The following DDX18 variants were observed in gnomAD, a reference collection of about 807,000 sequenced individuals.
DDX18 encodes the protein DEAD-box helicase 18, also known as ATP-dependent RNA helicase DDX18.
A neutral mutation model predicts 73.5 loss-of-function variants in DDX18; 23 were observed. The ratio of observed to expected loss-of-function variants is 0.31; its 90% CI spans 0.23 to 0.44. The LOEUF (loss-of-function observed/expected upper bound fraction) is 0.44, where lower values mean the gene tolerates loss of function less well. DDX18 is among the 20% of genes least tolerant of loss of function. The probability of loss-of-function intolerance (pLI) is 1.00; values close to 1 mark genes in which losing one functional copy is unlikely to be tolerated. For missense variants in DDX18, 753 were observed against 792.9 expected, an observed-to-expected ratio of 0.95 and a Z score of 0.60; for synonymous variants, 268 against 282.7, an observed-to-expected ratio of 0.95 and a Z score of 0.52.
chr2:117,818,603 C>T (rs1410722965), intron 2 of DDX18, among the ~76,000 whole-genome samples: 1 of 152,108 alleles, frequency 6.6e-6, no homozygotes, highest in African/African-American at 2.4e-5. Flanking sequence ...TGAGTATGCC[C>T]CAGGAAGTGG....
At chr2:117,822,336 C>A in intron 7 of DDX18, 75 bp downstream of exon 7, 1 of 1,191,876 alleles carries the variant, frequency 8.4e-7, no homozygotes, top group Non-Finnish European at 1.2e-6. Context: ...TATAGAAAAA[C>A]TGTACTAATG....
intron 9 of DDX18, 21 bp from the exon 10 acceptor site, chr2:117,825,426 G>A: frequency 6.2e-7 from 1 of 1,604,808 alleles, no homozygotes; most frequent in Non-Finnish European, 8.5e-7. Flanking sequence ...AGCTCTAATG[G>A]ATGTTTTTAT....
In DDX18 at chr2:117,825,433, T is replaced by G. The variant is rs973550325; in HGVS notation, c.1369-14T>G. 3 of 1,606,066 alleles carry G rather than the reference T, an allele frequency of 1.9e-6. No individual in the cohort carries two copies. The African/African-American group carries it at 4.0e-5, about 21-fold the overall frequency. On this transcript the variant is annotated splice_polypyrimidine_tract_variant and intron_variant, in intron 9 of 13. Transcript: ENST00000263239. ...AAGATTCCAGCTCTAATGGATGTTT[T>G]TATTTAATTCTAGGGAAAGCAAAAG...
At chr2:117,830,400 A>G (rs1259672458) in intron 13 of DDX18, among the ~76,000 whole-genome samples, 182 bp from the exon 14 acceptor site, 1 of 152,196 alleles carries the variant, frequency 6.6e-6, no homozygotes, top group East Asian at 1.9e-4. Flanking sequence ...TTAAGTCCAC[A>G]GTCACGTGGC....
intron 1 of DDX18, 28 bp downstream of exon 1, chr2:117,814,890 A>G (rs139542426): frequency 3.6e-4 from 587 of 1,613,176 alleles, no homozygotes; most frequent in Non-Finnish European, 4.8e-4. Context: ...GCGGTGGCTC[A>G]GAAGACCCAC....
At chr2:117,816,563 TGC>T (rs879483567) in intron 1 of DDX18, among the ~76,000 whole-genome samples, 15 of 152,228 alleles carry the variant, frequency 9.9e-5, no homozygotes, top group Non-Finnish European at 2.1e-4. Flanking sequence ...ATGATAACAG[TGC>T]CTTCTAAAAT....
At chr2:117,823,518 G>A (rs973580354) in intron 7 of DDX18, among the ~76,000 whole-genome samples, 3 of 152,070 alleles carry the variant, frequency 2.0e-5, no homozygotes, top group African/African-American at 7.2e-5. Context: ...CTTGTATCTA[G>A]CAAGACAGTT....
At chr2:117,817,301 A>G (rs1679775871) in intron 1 of DDX18, 143 bp from the exon 2 acceptor site, 10 of 783,870 alleles carry the variant, frequency 1.3e-5, no homozygotes, top group East Asian at 8.4e-5. Flanking sequence ...CCATAAAACT[A>G]TAAGTTGTTT....
intron 11 of DDX18, 120 bp from the exon 12 acceptor site, chr2:117,828,829 A>AG: frequency 1.4e-6 from 1 of 694,106 alleles, no homozygotes; most frequent in East Asian, 2.7e-5. Context: ...TAGAAAAAGC[A>AG]GATTTTCCTT....
chr2:117,832,077 T>G lies in DDX18; in HGVS notation c.*1353T>G, dbSNP rs1680035647. On this transcript the variant is annotated 3_prime_UTR_variant, in exon 14 of 14. Transcript: ENST00000263239. ...GGACTTCCAACCTTGACTGCTGAGCTCCTGGCTTAGCTTCTTGGGTTCCTA... is the reference window on the plus strand; with the variant it reads ...GGACTTCCAACCTTGACTGCTGAGCGCCTGGCTTAGCTTCTTGGGTTCCTA... 1.3e-5 allele frequency: 2 copies of G among 152,366 alleles called. No homozygotes were observed. Among genetic ancestry groups the G allele is most frequent in the Admixed American group, 6.5e-5 (1 of 15,284 alleles). 9.4% of individuals were successfully genotyped at this position (152,366 alleles called of 1,614,324 possible). A position where few individuals can be genotyped will look rare whatever the true frequency, so the allele number is the denominator to read the frequency against.
At chr2:117,815,812 T>C (rs879368004) in intron 1 of DDX18, 12 of 152,210 alleles carry the variant, frequency 7.9e-5, no homozygotes, top group Admixed American at 7.9e-4. Context: ...GGTACAGTCA[T>C]GCATCGCATA....
At chr2:117,819,452 C>T (rs1679809547) in intron 2 of DDX18, among the ~76,000 whole-genome samples, 197 bp from the exon 3 acceptor site, 1 of 152,160 alleles carries the variant, frequency 6.6e-6, no homozygotes, top group South Asian at 2.1e-4. Context: ...GGTTTTGTCA[C>T]CAAGTCTGTC....
chr2:117,826,131 G>T (rs1262017955), intron 10 of DDX18, 138 bp from the exon 11 acceptor site: 32 of 597,250 alleles, frequency 5.4e-5, no homozygotes, highest in Non-Finnish European at 7.9e-5. Flanking sequence ...TTGTGGGGGT[G>T]TGGTGAAGGT....
intron 13 of DDX18, 61 bp from the exon 14 acceptor site, chr2:117,830,521 G>T: frequency 6.3e-7 from 1 of 1,581,686 alleles, no homozygotes; most frequent in Non-Finnish European, 8.6e-7. Flanking sequence ...TTTTCTCTGT[G>T]TAGATGTTAG....
At chr2:117,823,708 A>C (rs1573411845) in intron 7 of DDX18, among the ~76,000 whole-genome samples, 1 of 152,142 alleles carries the variant, frequency 6.6e-6, no homozygotes, top group Non-Finnish European at 1.5e-5. Context: ...TGGTGAGAGC[A>C]GACATCCTTA....
rs535319957 is a variant in DDX18, at chr2:117,829,105, T to C, written c.1692+100T>C. On this transcript the variant is annotated intron_variant, in intron 12 of 13. Transcript: ENST00000263239. Reference sequence around the variant, plus strand: ...AATCACTGTCCTTTGAAGTCTACCCTGTCCTAAAGTGAGGATCAGGCTGTG... The same window carrying C: ...AATCACTGTCCTTTGAAGTCTACCCCGTCCTAAAGTGAGGATCAGGCTGTG... 2.6e-5 allele frequency: 31 copies of C among 1,201,540 alleles called. 2 individuals carry two copies. The South Asian group carries it at 3.9e-4, about 15-fold the overall frequency. 74.4% of individuals were successfully genotyped at this position (1,201,540 alleles called of 1,614,324 possible). A position where few individuals can be genotyped will look rare whatever the true frequency, so the allele number is the denominator to read the frequency against.
At position 117,819,806 on chromosome 2, in the gene DDX18, A is replaced by G. The variant is rs1274453381; in HGVS notation, c.514+14A>G. 1 of 1,551,912 alleles carries G rather than the reference A, an allele frequency of 6.4e-7. No individual in the cohort carries two copies. Among genetic ancestry groups the G allele is most frequent in the Non-Finnish European group, 8.7e-7 (1 of 1,154,422 alleles). ...TGGGACTGACAGGTAACGTCCAGGA[A>G]GTTTTCTAGAGGTAACTTCTTTAAA... On this transcript the variant is annotated intron_variant, in intron 3 of 13. Transcript: ENST00000263239.
Position 117,814,756 on chromosome 2 carries a change from T to C in DDX18, c.-22T>C, listed in dbSNP as rs778746085. On this transcript the variant is annotated 5_prime_UTR_variant, in exon 1 of 14. Transcript: ENST00000263239. ...AGTAGCTGTACTGTGTGGCGCCTTATTCTAGGCACTTGTTGGGCAGAATGT... is the reference window on the plus strand; with the variant it reads ...AGTAGCTGTACTGTGTGGCGCCTTACTCTAGGCACTTGTTGGGCAGAATGT... 1 of 1,613,598 alleles carries C rather than the reference T, an allele frequency of 6.2e-7. No homozygotes were observed. The highest frequency in any genetic ancestry group is 2.2e-5 in the East Asian group (1 of 44,892).
intron 5 of DDX18, 44 bp from the exon 6 acceptor site, chr2:117,821,818 G>C (rs1679851070): frequency 1.2e-6 from 2 of 1,612,834 alleles, no homozygotes; most frequent in East Asian, 4.5e-5. Context: ...TACGGACTCA[G>C]TGGTGACAGC....
Sources: allele counts gnomAD v4.1 joint callset (sites outside exome capture counted in the v4.1 genomes callset), GRCh38; gene constraint gnomAD v4.1.1; transcripts MANE v1.5; gene names NCBI Gene and HGNC (gene_info 2026-07-23, HGNC 2026-07-21).